The following TTC9 variants were observed in gnomAD, a reference collection of about 807,000 sequenced individuals.
The protein encoded by TTC9 is tetratricopeptide repeat domain 9, also known as tetratricopeptide repeat protein 9A.
In TTC9, 13 loss-of-function variants were observed where a neutral mutation model predicts 22.9. That is an observed-to-expected ratio of 0.57 (90% CI 0.37 to 0.90). The LOEUF is 0.90. Among genes scored for constraint, TTC9 ranks in the 40% least tolerant of loss-of-function variants. The pLI is 0.01. For missense variants in TTC9, 280 were observed against 291.8 expected (o/e 0.96, Z 0.29); for synonymous variants, 148 against 133.2 (o/e 1.11, Z -0.77).
intron 1 of TTC9, among the ~76,000 whole-genome samples, chr14:70,647,275 A>G (rs1401668591): frequency 6.6e-6 from 1 of 152,180 alleles, no homozygotes; most frequent in African/African-American, 2.4e-5. Flanking sequence ...AATAAACTAA[A>G]CTATTTTTAT....
rs570737514 is a variant in TTC9, at chr14:70,669,959, A to G, written c.590-1117A>G. Reference sequence around the variant, plus strand: ...CTGCCATGCCATCCTCACTAATAACAGGAACTGGGAAGAAATGCCCCAGTT... The same window carrying G: ...CTGCCATGCCATCCTCACTAATAACGGGAACTGGGAAGAAATGCCCCAGTT... On this transcript the variant is annotated intron_variant, in intron 2 of 2. Transcript: ENST00000256367. Among the ~76,000 whole-genome samples, 48 of 152,366 alleles carry G rather than the reference A, an allele frequency of 3.2e-4. 2 individuals carry two copies. In the South Asian group the frequency reaches 9.7e-3, roughly 31 times the overall value.
At position 70,674,730 on chromosome 14, in the gene TTC9, T is replaced by C. The variant is rs1886344499; in HGVS notation, c.*3575T>C. 1 of 152,350 alleles carries C rather than the reference T, an allele frequency of 6.6e-6. No individual in the cohort carries two copies. Among genetic ancestry groups the C allele is most frequent in the East Asian group, 1.9e-4 (1 of 5,194 alleles). The allele number at this position is 152,350 out of a possible 1,614,324, so 9.4% of individuals were successfully genotyped here. ...TTTTGTTTTTTGCTCCTTCTGTTCCTTCACTTAATAATATCACGAACATTT... is the reference window on the plus strand; with the variant it reads ...TTTTGTTTTTTGCTCCTTCTGTTCCCTCACTTAATAATATCACGAACATTT... On this transcript the variant is annotated 3_prime_UTR_variant, in exon 3 of 3. Transcript: ENST00000256367.
intron 1 of TTC9, among the ~76,000 whole-genome samples, chr14:70,645,880 C>G (rs1050208625): frequency 2.0e-5 from 3 of 152,176 alleles, no homozygotes; most frequent in Non-Finnish European, 2.9e-5. Context: ...CCAGAAGTAC[C>G]TGGAAAATTA....
chr14:70,642,587 CCT>C, intron 1 of TTC9, 52 bp downstream of exon 1: 3 of 1,449,152 alleles, frequency 2.1e-6, no homozygotes, highest in Non-Finnish European at 2.8e-6. Flanking sequence ...CGGCCCGGTC[CCT>C]CCGCGGACCA....
At chr14:70,667,541 A>G in intron 1 of TTC9, 23 bp from the exon 2 acceptor site, 1 of 1,613,338 alleles carries the variant, frequency 6.2e-7, no homozygotes, top group Non-Finnish European at 8.5e-7. Context: ...TGCTGATGGC[A>G]TTTTCCCTCC....
intron 1 of TTC9, among the ~76,000 whole-genome samples, chr14:70,665,708 G>A (rs1262140036): frequency 6.6e-6 from 1 of 152,184 alleles, no homozygotes; most frequent in African/African-American, 2.4e-5. Context: ...TTCTGTGAAA[G>A]AATGGAGTTT....
intron 1 of TTC9, among the ~76,000 whole-genome samples, chr14:70,651,289 T>A (rs1220882239): frequency 1.3e-5 from 2 of 148,260 alleles, no homozygotes; most frequent in African/African-American, 5.3e-5. Context: ...GCCTAACTTT[T>A]TACTTTAAAT....
chr14:70,653,116 T>C (rs2139642789), intron 1 of TTC9, among the ~76,000 whole-genome samples: 1 of 152,334 alleles, frequency 6.6e-6, no homozygotes, highest in African/African-American at 2.4e-5. Context: ...CATAGGATTG[T>C]TATGGTGATT....
intron 1 of TTC9, among the ~76,000 whole-genome samples, chr14:70,664,554 C>T (rs565465921): frequency 4.9e-4 from 74 of 152,084 alleles, no homozygotes; most frequent in African/African-American, 1.6e-3. Context: ...GGTGAAACCC[C>T]GTCTCTATTA....
intron 1 of TTC9, among the ~76,000 whole-genome samples, chr14:70,661,471 C>T (rs537856425): frequency 2.9e-4 from 44 of 152,198 alleles, no homozygotes; most frequent in Non-Finnish European, 5.1e-4. Context: ...TTCCATTTAG[C>T]CCATGTTTCC....
chr14:70,643,194 C>T (rs374840900), intron 1 of TTC9, among the ~76,000 whole-genome samples: 1 of 152,172 alleles, frequency 6.6e-6, no homozygotes, highest in African/African-American at 2.4e-5. Flanking sequence ...AACTATGCTG[C>T]ATTCTCCCTC....
At chr14:70,644,204 C>A (rs1034901673) in intron 1 of TTC9, among the ~76,000 whole-genome samples, 1 of 152,190 alleles carries the variant, frequency 6.6e-6, no homozygotes, top group Admixed American at 6.5e-5. Context: ...CCACCCCAGA[C>A]GTGGTTACTT....
rs1157358343 is a variant in TTC9 at position 70,671,263 on chromosome 14, GCTC to G, written c.*112_*114del. On this transcript the variant is annotated 3_prime_UTR_variant, in exon 3 of 3. Transcript: ENST00000256367. ...TGTCCCTTTCTCCCCACTTCTTCTGGCTCCTCATTTTTCCTCCTGTTGCACCCC... is the reference window on the plus strand; with the variant it reads ...TGTCCCTTTCTCCCCACTTCTTCTGGCTCATTTTTCCTCCTGTTGCACCCC... The G allele has an allele frequency of 1.1e-6, 1 of 921,566 alleles. No individual in the cohort carries two copies. The highest frequency in any genetic ancestry group is 2.7e-5 in the East Asian group (1 of 36,552). 57.1% of individuals were successfully genotyped at this position (921,566 alleles called of 1,614,324 possible).
At chr14:70,657,281 G>C (rs1192676774) in intron 1 of TTC9, among the ~76,000 whole-genome samples, 1 of 152,208 alleles carries the variant, frequency 6.6e-6, no homozygotes, top group African/African-American at 2.4e-5. Flanking sequence ...TATTGACTAA[G>C]TTTACTAAGA....
chr14:70,651,923 C>T (rs1885990469), intron 1 of TTC9, among the ~76,000 whole-genome samples: 1 of 151,812 alleles, frequency 6.6e-6, no homozygotes, highest in South Asian at 2.1e-4. Context: ...CTCGCTATGT[C>T]TCTCCACAGC....
intron 2 of TTC9, among the ~76,000 whole-genome samples, chr14:70,669,930 T>G (rs1156992177): frequency 6.6e-6 from 1 of 152,198 alleles, no homozygotes. Flanking sequence ...TTAGCAGTTG[T>G]TCCCTGCCAT....
In TTC9 at chr14:70,642,375, G is replaced by A; in HGVS notation, c.246G>A (p.Arg82=). ...KFREAIGKYH[R]ALLELKGLLP... ...GTGAAGCCATAGGCAAATACCACCG[G>A]GCGTTGCTGGAGCTGAAGGGGCTGC... Residue 82 remains arginine (R), a synonymous_variant, in exon 1 of 3, where the codon CGG becomes CGA. Transcript: ENST00000256367. 4 of 1,605,476 alleles carry A rather than the reference G, an allele frequency of 2.5e-6. No individual in the cohort carries two copies. The highest frequency in any genetic ancestry group is 3.4e-6 in the Non-Finnish European group (4 of 1,176,664).
rs916922748 is a variant in TTC9 at position 70,671,341 on chromosome 14, C to G, written c.*186C>G. ...AAAAGGAGAGATGCAAATTTGGAATCTGGTAGGTCGCCCAGACAATGGAGA... is the reference window on the plus strand; with the variant it reads ...AAAAGGAGAGATGCAAATTTGGAATGTGGTAGGTCGCCCAGACAATGGAGA... On this transcript the variant is annotated 3_prime_UTR_variant, in exon 3 of 3. Transcript: ENST00000256367. 3.8e-6 allele frequency: 2 copies of G among 528,408 alleles called. No individual in the cohort carries two copies. Among genetic ancestry groups the G allele is most frequent in the Non-Finnish European group, 6.8e-6 (2 of 294,142 alleles). 32.7% of individuals were successfully genotyped at this position (528,408 alleles called of 1,614,324 possible).
chr14:70,642,420 G>C lies in TTC9; in HGVS notation c.291G>C (p.Arg97=). 1 of 1,592,204 alleles carries C rather than the reference G, an allele frequency of 6.3e-7. No homozygotes were observed. Among genetic ancestry groups the C allele is most frequent in the South Asian group, 1.1e-5 (1 of 87,824 alleles). The change falls in exon 1 of 3, where the codon CGG becomes CGC. Residue 97 remains arginine, a synonymous_variant. Coordinates refer to ENST00000256367, the MANE Select transcript of TTC9 (RefSeq NM_015351.2). The stretch of plus-strand genomic sequence containing the variant: ...GGCTGCTGCCGCCCCCCGGGGAACG[G>C]GAGCGGGACTCGCGCCCGGCCTCCC... The part of the protein sequence containing the change: ...LKGLLPPPGE[R]ERDSRPASPA...
Sources: gnomAD v4.1 joint callset for allele counts (sites outside exome capture counted in the v4.1 genomes callset) on GRCh38, gnomAD v4.1.1 for gene constraint, MANE v1.5 for transcripts, NCBI Gene and HGNC (gene_info 2026-07-23, HGNC 2026-07-21) for gene names.